RAET1E: variants seen among roughly 807,000 people sequenced by gnomAD.
RAET1E encodes the protein NKG2D ligand 4.
In RAET1E, 27 loss-of-function variants were observed where a neutral mutation model predicts 21.1. The observed-to-expected ratio is 1.28, with a 90% CI of 0.94 to 1.76. The LOEUF (loss-of-function observed/expected upper bound fraction) is 1.76, where lower values mean the gene tolerates loss of function less well. Ranked by LOEUF, RAET1E falls within the 40% of genes most tolerant of loss-of-function variation. The pLI is 0.00. For missense variants in RAET1E, 310 were observed against 311.3 expected, an observed-to-expected ratio of 1.00 and a Z score of 0.03; for synonymous variants, 113 against 115.0, an observed-to-expected ratio of 0.98 and a Z score of 0.11.
In RAET1E at chr6:149,887,230, C is replaced by T. The variant is rs1159274936; in HGVS notation, c.*1268G>A. ...CCCAGCTTCTAAAACTGTTCTTTTG[C>T]CTCCCTTCCTACTCACCAATCCCCT... On this transcript the variant is annotated 3_prime_UTR_variant, in exon 6 of 6. Coordinates refer to ENST00000357183, the MANE Select transcript of RAET1E (RefSeq NM_001394057.1). Among the ~76,000 whole-genome samples the T allele has an allele frequency of 3.3e-5, 5 of 152,166 alleles. No individual in the cohort carries two copies.
Position 149,884,230 on chromosome 6 carries a change from G to T in RAET1E, c.*4268C>A. The stretch of plus-strand genomic sequence containing the variant: ...TGGGCTCAAGTGATCCTCCTGCCTA[G>T]GCCTCCCAAAGTGTTGGGATTATAG... On this transcript the variant is annotated 3_prime_UTR_variant, in exon 6 of 6. Coordinates refer to ENST00000357183, the MANE Select transcript of RAET1E (RefSeq NM_001394057.1). The T allele has an allele frequency of 2.2e-6, 1 of 452,274 alleles. No individual in the cohort carries two copies. The highest frequency in any genetic ancestry group is 4.1e-6 in the Non-Finnish European group (1 of 246,494). 28.0% of individuals were successfully genotyped at this position (452,274 alleles called of 1,614,324 possible). A position where few individuals can be genotyped will look rare whatever the true frequency, so the allele number is the denominator to read the frequency against.
chr6:149,895,316 GC>G (rs1778071637), intron 2 of RAET1E, among the ~76,000 whole-genome samples: 1 of 152,234 alleles, frequency 6.6e-6, no homozygotes, highest in Non-Finnish European at 1.5e-5. Context: ...CCTCTTCAGA[GC>G]CATCAGGCGG....
intron 1 of RAET1E, 110 bp from the exon 2 acceptor site, chr6:149,896,142 G>T (rs1778104646): frequency 6.6e-6 from 1 of 152,246 alleles, no homozygotes; most frequent in South Asian, 2.1e-4. Flanking sequence ...GGTTCCCTCT[G>T]TGTGCCGGGC....
intron 2 of RAET1E, among the ~76,000 whole-genome samples, chr6:149,892,172 G>A (rs1476830104): frequency 1.3e-5 from 2 of 152,170 alleles, no homozygotes; most frequent in African/African-American, 4.8e-5. Context: ...AAACATACGT[G>A]TGCGTGTGTC....
intron 2 of RAET1E, among the ~76,000 whole-genome samples, chr6:149,892,087 C>T (rs943952293): frequency 3.3e-5 from 5 of 152,180 alleles, no homozygotes; most frequent in African/African-American, 1.2e-4. Context: ...CATAGTGTTC[C>T]ATGGTGTATA....
At chr6:149,895,071 G>C (rs1353168052) in intron 2 of RAET1E, among the ~76,000 whole-genome samples, 1 of 152,176 alleles carries the variant, frequency 6.6e-6, no homozygotes, top group Non-Finnish European at 1.5e-5. Flanking sequence ...CTGTTTACCT[G>C]GGTATCACCA....
At chr6:149,888,990 G>A (rs756405189) in intron 5 of RAET1E, 17 of 962,480 alleles carry the variant, frequency 1.8e-5, no homozygotes, top group Non-Finnish European at 2.3e-5. Flanking sequence ...TGGGGAAGGT[G>A]GGGAAGGCTT....
rs1450029128 is a variant in RAET1E, at chr6:149,885,202, A to C, written c.*3296T>G. 6.6e-6 allele frequency among the ~76,000 whole-genome samples: 1 copy of C among 152,054 alleles called. No individual in the cohort carries two copies. The highest frequency in any genetic ancestry group is 1.5e-5 in the Non-Finnish European group (1 of 67,994). On this transcript the variant is annotated 3_prime_UTR_variant, in exon 6 of 6. Transcript: ENST00000357183. ...TGTGTTTCTGTCCATCAGACCACCC[A>C]TCACATAGGCAACCCCTGGAGAGTG... is the stretch of plus-strand genomic sequence containing the variant.
At chr6:149,891,677 G>A (rs935526610) in intron 2 of RAET1E, among the ~76,000 whole-genome samples, 5 of 152,012 alleles carry the variant, frequency 3.3e-5, no homozygotes, top group Non-Finnish European at 5.9e-5. Flanking sequence ...ACTTGAGGCC[G>A]GGAGTTCAAG....
intron 2 of RAET1E, among the ~76,000 whole-genome samples, chr6:149,894,956 C>T (rs1778054799): frequency 6.6e-6 from 1 of 152,074 alleles, no homozygotes; most frequent in Non-Finnish European, 1.5e-5. Flanking sequence ...CAGATGGGGT[C>T]TTTGAGGGGA....
rs965959895 is a variant in RAET1E at position 149,888,393 on chromosome 6, G to T, written c.*105C>A. On this transcript the variant is annotated 3_prime_UTR_variant, in exon 6 of 6. Coordinates refer to ENST00000357183, the MANE Select transcript of RAET1E (RefSeq NM_001394057.1). ...GCTGCCAGCCCTGCTGTGTAGTGTG[G>T]GGGCTCAAGACTAAGGCAGTGCACC... 5.8e-6 allele frequency: 8 copies of T among 1,368,128 alleles called. No homozygotes were observed. The highest frequency in any genetic ancestry group is 7.1e-6 in the Non-Finnish European group (7 of 984,392). 84.7% of individuals were successfully genotyped at this position (1,368,128 alleles called of 1,614,324 possible).
chr6:149,897,604 G>T (rs1051061053), intron 1 of RAET1E, among the ~76,000 whole-genome samples: 1 of 152,172 alleles, frequency 6.6e-6, no homozygotes, highest in East Asian at 1.9e-4. Context: ...CTCAGGCTAG[G>T]AATGCCAAGG....
intron 4 of RAET1E, 62 bp from the exon 5 acceptor site, chr6:149,889,685 G>C: frequency 1.9e-6 from 3 of 1,578,770 alleles, no homozygotes; most frequent in Non-Finnish European, 2.6e-6. Context: ...TCCTCCAATA[G>C]GTCAAGTGTT....
intron 2 of RAET1E, among the ~76,000 whole-genome samples, chr6:149,893,207 G>A (rs1278054519): frequency 6.6e-6 from 1 of 152,130 alleles, no homozygotes; most frequent in Non-Finnish European, 1.5e-5. Context: ...TCCATATGAA[G>A]TTTAAAGTAG....
In RAET1E at chr6:149,884,244, T is replaced by G; in HGVS notation, c.*4254A>C. ...CCTCCTGCCTAGGCCTCCCAAAGTG[T>G]TGGGATTATAGATGTGAGCTGCTGT... is the stretch of plus-strand genomic sequence containing the variant. On this transcript the variant is annotated 3_prime_UTR_variant, in exon 6 of 6. Coordinates refer to ENST00000357183, the MANE Select transcript of RAET1E (RefSeq NM_001394057.1). The G allele has an allele frequency of 2.1e-6, 1 of 475,910 alleles. No individual in the cohort carries two copies. The allele number at this position is 475,910 out of a possible 1,614,324, so 29.5% of individuals were successfully genotyped here.
At chr6:149,893,396 CTCCTTGAAGAGG>C (rs1777989519) in intron 2 of RAET1E, among the ~76,000 whole-genome samples, 1 of 152,184 alleles carries the variant, frequency 6.6e-6, no homozygotes, top group South Asian at 2.1e-4. Flanking sequence ...GTTTGTAGAT[CTCCTTGAAGAGG>C]TCCTTTACAT....
Position 149,889,352 on chromosome 6 carries a change from C to G in RAET1E, c.618G>C (p.Pro206=). The change falls in exon 5 of 6, where the codon CCG becomes CCC. Residue 206 remains proline (P), a synonymous_variant. Transcript: ENST00000357183. ...FLGHWEAMPE[P]TVSPVNASDI... ...TCTCCCACCCAGCTCAGTTACCTGTCGGTTCTGGCATTGCCTCCCAGTGCC... is the reference window on the plus strand; with the variant it reads ...TCTCCCACCCAGCTCAGTTACCTGTGGGTTCTGGCATTGCCTCCCAGTGCC... The G allele has an allele frequency of 6.2e-7, 1 of 1,614,000 alleles. No homozygotes were observed. The highest frequency in any genetic ancestry group is 8.5e-7 in the Non-Finnish European group (1 of 1,179,990).
rs1451626877 is a variant in RAET1E at position 149,889,614 on chromosome 6, G to A, written c.356C>T (p.Thr119Ile). The A allele has an allele frequency of 1.2e-6, 2 of 1,613,970 alleles. No individual in the cohort carries two copies. Among genetic ancestry groups the A allele is most frequent in the Non-Finnish European group, 1.7e-6 (2 of 1,179,934 alleles). The part of the protein sequence containing the change: ...KPQIKTSDPS[T>I]LQVEMFCQRE... ...TTGACAAAACATCTCGACTTGCAGA[G>A]TGGAAGGATCTGCAATCCAAACACA... The change falls in exon 5 of 6, where the codon ACT becomes ATT. Residue 119 changes from threonine to isoleucine, a missense_variant. Transcript: ENST00000357183.
chr6:149,894,484 T>C (rs149835354), intron 2 of RAET1E, among the ~76,000 whole-genome samples: 1 of 152,164 alleles, frequency 6.6e-6, no homozygotes, highest in Non-Finnish European at 1.5e-5. Context: ...CTTTTTATTC[T>C]TTTTTCTCTA....
Sources: gnomAD v4.1 joint callset for allele counts (sites outside exome capture counted in the v4.1 genomes callset) on GRCh38, gnomAD v4.1.1 for gene constraint, MANE v1.5 for transcripts, NCBI Gene and HGNC (gene_info 2026-07-23, HGNC 2026-07-21) for gene names.